Variants in ULK4 observed in about 807,000 individuals in gnomAD.
The protein encoded by ULK4 is unc-51 like kinase 4.
ULK4 carries 133 observed loss-of-function variants against 160.6 expected under a neutral mutation model. The ratio of observed to expected loss-of-function variants is 0.83; its 90% CI spans 0.72 to 0.96. The LOEUF (loss-of-function observed/expected upper bound fraction) is 0.96, where lower values mean the gene tolerates loss of function less well. Among genes scored for constraint, ULK4 ranks in the 40% least tolerant of loss-of-function variants. The pLI is 0.00. For missense variants in ULK4, 1,580 were observed against 1,499.5 expected (o/e 1.05, Z -0.89); for synonymous variants, 534 against 539.8 (o/e 0.99, Z 0.15).
intron 30 of ULK4, among the ~76,000 whole-genome samples, chr3:41,623,176 C>T (rs1467514884): frequency 1.3e-5 from 2 of 152,160 alleles, no homozygotes; most frequent in Non-Finnish European, 2.9e-5. Context: ...TCACAGAAAA[C>T]ACCAGATATT....
chr3:41,912,853 A>T lies in ULK4; in HGVS notation c.850T>A (p.Phe284Ile). ...LLQHSFWKKA[F>I]AGADQESSVE... ...CTTGATTCCTGATCTGCTCCAGCAA[A>T]AGCTTTCTTCCAAAATGAATGCTGC... The change falls in exon 9 of 37, where the codon TTT becomes ATT. Residue 284 changes from phenylalanine (F) to isoleucine (I), a missense_variant. By Grantham distance (21) the Phe-to-Ile change is conservative. Coordinates refer to ENST00000301831, the MANE Select transcript of ULK4 (RefSeq NM_017886.4). 6.2e-7 allele frequency: 1 copy of T among 1,614,110 alleles called. No individual in the cohort carries two copies. The highest frequency in any genetic ancestry group is 8.5e-7 in the Non-Finnish European group (1 of 1,180,006).
chr3:41,767,949 C>T (rs188985627), intron 21 of ULK4, among the ~76,000 whole-genome samples: 1 of 152,206 alleles, frequency 6.6e-6, no homozygotes, highest in South Asian at 2.1e-4. Context: ...CAGACCAGTA[C>T]TGGCCTGTTA....
chr3:41,733,918 G>A (rs903244507), intron 22 of ULK4, among the ~76,000 whole-genome samples: 1 of 151,826 alleles, frequency 6.6e-6, no homozygotes, highest in Non-Finnish European at 1.5e-5. Flanking sequence ...TGTATTTTTA[G>A]TTGAGACGGG....
chr3:41,618,936 C>G (rs935285998), intron 30 of ULK4, among the ~76,000 whole-genome samples: 2 of 150,460 alleles, frequency 1.3e-5, no homozygotes, highest in African/African-American at 4.9e-5. Context: ...GAATATTTAC[C>G]AAGCAAATGA....
intron 36 of ULK4, among the ~76,000 whole-genome samples, chr3:41,249,145 G>A (rs1052867095): frequency 1.3e-5 from 2 of 152,178 alleles, no homozygotes; most frequent in Non-Finnish European, 2.9e-5. Context: ...CACAGGCCAG[G>A]GGCTGCCTTT....
At chr3:41,283,965 A>AAAATAAATAAAT (rs58834032) in intron 35 of ULK4, among the ~76,000 whole-genome samples, 21 of 150,438 alleles carry the variant, frequency 1.4e-4, no homozygotes, top group African/African-American at 4.4e-4. Context: ...ATAGCTGCCA[A>AAAATAAATAAAT]AAATAAATAA....
chr3:41,869,795 T>C (rs1197081247), intron 17 of ULK4, among the ~76,000 whole-genome samples: 5 of 152,200 alleles, frequency 3.3e-5, no homozygotes, highest in African/African-American at 7.2e-5. Flanking sequence ...TTTTCCAACA[T>C]ATTTACCACT....
intron 34 of ULK4, among the ~76,000 whole-genome samples, chr3:41,454,223 A>T (rs1488802235): frequency 4.0e-5 from 6 of 150,306 alleles, no homozygotes; most frequent in South Asian, 2.1e-4. Context: ...AGAAAGGGCA[A>T]CTAGATGTTC....
intron 32 of ULK4, among the ~76,000 whole-genome samples, chr3:41,506,767 A>AAAAAAAAAAAAATAT: frequency 3.5e-5 from 2 of 56,796 alleles, no homozygotes; most frequent in African/African-American, 1.6e-4. Flanking sequence ...TGTGATTTAA[A>AAAAAAAAAAAAATAT]ATATATATAT....
intron 21 of ULK4, among the ~76,000 whole-genome samples, chr3:41,764,672 T>A (rs937839039): frequency 5.3e-5 from 8 of 152,220 alleles, no homozygotes; most frequent in Non-Finnish European, 4.4e-5. Flanking sequence ...AGTGGCAGTA[T>A]AACATGCTGG....
At chr3:41,893,766 TAC>T (rs1292336005) in intron 16 of ULK4, among the ~76,000 whole-genome samples, 3 of 152,154 alleles carry the variant, frequency 2.0e-5, no homozygotes, top group African/African-American at 7.2e-5. Context: ...ATATATATGT[TAC>T]AGGGGAAAAC....
chr3:41,549,124 A>G (rs2086974094), intron 32 of ULK4, among the ~76,000 whole-genome samples: 1 of 152,212 alleles, frequency 6.6e-6, no homozygotes, highest in Non-Finnish European at 1.5e-5. Flanking sequence ...ACATAAGGAC[A>G]TAAGAGAAAT....
chr3:41,379,269 G>A (rs1172372644), intron 35 of ULK4, among the ~76,000 whole-genome samples: 1 of 152,054 alleles, frequency 6.6e-6, no homozygotes, highest in Non-Finnish European at 1.5e-5. Flanking sequence ...TGTACTGTAT[G>A]GAACTCTGAG....
chr3:41,342,334 G>A (rs369714898), intron 35 of ULK4, among the ~76,000 whole-genome samples: 1 of 152,276 alleles, frequency 6.6e-6, no homozygotes, highest in African/African-American at 2.4e-5. Context: ...ATAATCTAAT[G>A]CTTCCATCTT....
chr3:41,637,473 G>A (rs2034006120), intron 30 of ULK4, among the ~76,000 whole-genome samples: 1 of 152,026 alleles, frequency 6.6e-6, no homozygotes, highest in Non-Finnish European at 1.5e-5. Flanking sequence ...TCCATATTTT[G>A]GCTATTGTGA....
chr3:41,851,391 G>C (rs371002421), intron 17 of ULK4, among the ~76,000 whole-genome samples: 4 of 152,104 alleles, frequency 2.6e-5, no homozygotes, highest in Non-Finnish European at 4.4e-5. Context: ...ATTGATTTGC[G>C]TATGTTGAAC....
At position 41,890,223 on chromosome 3, in the gene ULK4, G is replaced by A. The variant is rs141160190; in HGVS notation, c.1577+5295C>T. On this transcript the variant is annotated intron_variant, in intron 16 of 36. Coordinates refer to ENST00000301831, the MANE Select transcript of ULK4 (RefSeq NM_017886.4). ...ACACATTAAAATGGTGAATTTTATGGTATGTGAATTATACCTCAATAAACA... is the reference window on the plus strand; with the variant it reads ...ACACATTAAAATGGTGAATTTTATGATATGTGAATTATACCTCAATAAACA... 6.6e-3 allele frequency among the ~76,000 whole-genome samples: 1,006 copies of A among 152,210 alleles called. 12 individuals are homozygous for A. Among genetic ancestry groups the A allele is most frequent in the African/African-American group, 0.023 (964 of 41,532 alleles).
intron 35 of ULK4, among the ~76,000 whole-genome samples, chr3:41,342,197 T>C (rs894128557): frequency 1.3e-5 from 2 of 152,274 alleles, no homozygotes; most frequent in Middle Eastern, 6.8e-3. Flanking sequence ...TGAGTTTTCA[T>C]GCATAGCAAC....
intron 30 of ULK4, among the ~76,000 whole-genome samples, chr3:41,626,350 A>G (rs1324199799): frequency 6.6e-6 from 1 of 152,204 alleles, no homozygotes; most frequent in African/African-American, 2.4e-5. Flanking sequence ...TTTAAGTACT[A>G]TTTAAATAAA....
Sources: gnomAD v4.1 joint callset for allele counts (sites outside exome capture counted in the v4.1 genomes callset) on GRCh38, gnomAD v4.1.1 for gene constraint, MANE v1.5 for transcripts, NCBI Gene and HGNC (gene_info 2026-07-23, HGNC 2026-07-21) for gene names.